The following NIPAL2 variants were observed in gnomAD, a reference collection of about 807,000 sequenced individuals.
NIPAL2 encodes the protein NIPA like domain containing 2.
Under a neutral mutation model 48.9 loss-of-function variants are expected in NIPAL2, and 43 were observed. That is an observed-to-expected ratio of 0.88 (90% CI 0.69 to 1.13). The LOEUF is 1.13. Among genes scored for constraint, NIPAL2 ranks in the 50% most tolerant of loss-of-function variants. The pLI is 0.00. For synonymous variants in NIPAL2, 167 were observed against 174.6 expected (o/e 0.96, Z 0.34); for missense variants, 446 against 461.4 (o/e 0.97, Z 0.31).
At position 98,275,435 on chromosome 8, in the gene NIPAL2, A is replaced by G. The variant is rs144102614; in HGVS notation, c.135+18568T>C. Reference sequence around the variant, plus strand: ...TGAGTCTCATCTAAGCTGTTGGGTCATTCCTTCTCATTGCTGAGTAGTATT... The same window carrying G: ...TGAGTCTCATCTAAGCTGTTGGGTCGTTCCTTCTCATTGCTGAGTAGTATT... On this transcript the variant is annotated intron_variant, in intron 1 of 10. Coordinates refer to ENST00000430223, the MANE Select transcript of NIPAL2 (RefSeq NM_001321635.2). Among the ~76,000 whole-genome samples the G allele has an allele frequency of 3.2e-4, 49 of 152,302 alleles. No individual in the cohort carries two copies. In the East Asian group the frequency reaches 9.3e-3, roughly 29 times the overall value.
intron 1 of NIPAL2, among the ~76,000 whole-genome samples, chr8:98,272,656 C>T (rs1488063015): frequency 5.3e-5 from 8 of 151,002 alleles, no homozygotes; most frequent in Non-Finnish European, 1.0e-4. Context: ...ACTCTGTCGC[C>T]CAGGTTGGAG....
chr8:98,222,264 G>A (rs1439033354), intron 5 of NIPAL2, among the ~76,000 whole-genome samples: 2 of 152,054 alleles, frequency 1.3e-5, no homozygotes, highest in African/African-American at 4.8e-5. Flanking sequence ...TGGATTAATC[G>A]ATGTGGAAAT....
At chr8:98,217,340 CA>C (rs141893091) in intron 5 of NIPAL2, 683,661 of 979,626 alleles carry the variant, frequency 0.7, 242,341 homozygotes, top group South Asian at 0.77. Flanking sequence ...GTGGGTGCCG[CA>C]CTATTATGAT....
chr8:98,257,503 C>T (rs937852058), intron 1 of NIPAL2, among the ~76,000 whole-genome samples: 5 of 152,026 alleles, frequency 3.3e-5, no homozygotes, highest in Non-Finnish European at 5.9e-5. Flanking sequence ...ATGATCTGCC[C>T]GCCTTGACCT....
chr8:98,274,194 G>A (rs1023694762), intron 1 of NIPAL2, among the ~76,000 whole-genome samples: 1 of 151,894 alleles, frequency 6.6e-6, no homozygotes, highest in South Asian at 2.1e-4. Context: ...TTCCATGTAT[G>A]CTTGAAAAGA....
intron 4 of NIPAL2, among the ~76,000 whole-genome samples, chr8:98,230,820 C>T (rs1485649009): frequency 6.6e-6 from 1 of 152,210 alleles, no homozygotes; most frequent in Non-Finnish European, 1.5e-5. Flanking sequence ...TTGCACAGTT[C>T]TTCCACAACA....
intron 3 of NIPAL2, 48 bp from the exon 4 acceptor site, chr8:98,236,262 A>G (rs1563511118): frequency 3.9e-6 from 5 of 1,292,766 alleles, no homozygotes; most frequent in Non-Finnish European, 3.3e-6. Context: ...AAAAGTGTCT[A>G]TTACGCAATG....
At chr8:98,219,052 G>C (rs1811713806) in intron 5 of NIPAL2, among the ~76,000 whole-genome samples, 1 of 152,168 alleles carries the variant, frequency 6.6e-6, no homozygotes, top group Non-Finnish European at 1.5e-5. Flanking sequence ...CAGGATCAGG[G>C]GTAGGAGTGA....
chr8:98,275,424 G>A (rs1815403352), intron 1 of NIPAL2, among the ~76,000 whole-genome samples: 2 of 152,132 alleles, frequency 1.3e-5, no homozygotes, highest in Admixed American at 6.5e-5. Context: ...TCTCATCTAA[G>A]CTGTTGGGTC....
At chr8:98,242,488 AT>A (rs568464494) in intron 3 of NIPAL2, among the ~76,000 whole-genome samples, 32,298 of 117,564 alleles carry the variant, frequency 0.27, 4,434 homozygotes, top group Middle Eastern at 0.31. Flanking sequence ...CACCTGACAG[AT>A]TTTTTTTTTT....
intron 3 of NIPAL2, among the ~76,000 whole-genome samples, chr8:98,247,087 C>T (rs1218888583): frequency 6.6e-6 from 1 of 152,136 alleles, no homozygotes; most frequent in East Asian, 1.9e-4. Flanking sequence ...ACTCAATCCC[C>T]AAAGGACAGG....
At chr8:98,218,624 G>A (rs1319512918) in intron 5 of NIPAL2, among the ~76,000 whole-genome samples, 2 of 152,188 alleles carry the variant, frequency 1.3e-5, no homozygotes, top group Non-Finnish European at 2.9e-5. Context: ...AATAGGCAGG[G>A]CACTATGACT....
chr8:98,252,761 G>A, intron 2 of NIPAL2, 127 bp from the exon 3 acceptor site: 2 of 791,212 alleles, frequency 2.5e-6, no homozygotes, highest in Non-Finnish European at 3.8e-6. Context: ...TTTTTTTTAA[G>A]AACGAATACA....
intron 1 of NIPAL2, among the ~76,000 whole-genome samples, chr8:98,254,917 C>T (rs1257352607): frequency 6.6e-6 from 1 of 152,244 alleles, no homozygotes; most frequent in African/African-American, 2.4e-5. Flanking sequence ...GGTACATCTC[C>T]TTGAGACCTC....
intron 1 of NIPAL2, among the ~76,000 whole-genome samples, chr8:98,286,638 G>C (rs926114789): frequency 1.3e-5 from 2 of 151,784 alleles, no homozygotes; most frequent in African/African-American, 4.8e-5. Flanking sequence ...GTGAAACCCT[G>C]TCTCTACTAA....
chr8:98,260,787 G>A (rs1814267986), intron 1 of NIPAL2, among the ~76,000 whole-genome samples: 1 of 152,236 alleles, frequency 6.6e-6, no homozygotes, highest in Admixed American at 6.5e-5. Context: ...ACAGCACAAG[G>A]ATGCCTGCCT....
intron 8 of NIPAL2, among the ~76,000 whole-genome samples, chr8:98,197,380 T>A (rs1162335454): frequency 6.6e-6 from 1 of 152,242 alleles, no homozygotes; most frequent in Non-Finnish European, 1.5e-5. Flanking sequence ...CCTATCTTTT[T>A]GCTAGTTGTA....
At chr8:98,282,324 AAAG>A (rs1365600147) in intron 1 of NIPAL2, among the ~76,000 whole-genome samples, 2 of 152,192 alleles carry the variant, frequency 1.3e-5, no homozygotes, top group Non-Finnish European at 2.9e-5. Flanking sequence ...CAAAGAACTC[AAAG>A]AACACAAAGA....
At chr8:98,201,489 A>C (rs1810797903) in intron 8 of NIPAL2, among the ~76,000 whole-genome samples, 1 of 152,060 alleles carries the variant, frequency 6.6e-6, no homozygotes, top group South Asian at 2.1e-4. Context: ...GGTTCAAGCG[A>C]TCCTCCTGCC....
Sources: allele counts gnomAD v4.1 joint callset (sites outside exome capture counted in the v4.1 genomes callset), GRCh38; gene constraint gnomAD v4.1.1; transcripts MANE v1.5; gene names NCBI Gene and HGNC (gene_info 2026-07-23, HGNC 2026-07-21).